The following NFAT5 variants were observed in gnomAD, a reference collection of about 807,000 sequenced individuals.
NFAT5 encodes nuclear factor of activated T cells 5, also known as nuclear factor of activated T-cells 5.
Under a neutral mutation model 166.5 loss-of-function variants are expected in NFAT5, and 31 were observed. That is an observed-to-expected ratio of 0.19 (90% CI 0.14 to 0.25). NFAT5 has a LOEUF of 0.25. NFAT5 is among the 10% of genes least tolerant of loss of function. The probability of loss-of-function intolerance (pLI) is 1.00; values close to 1 mark genes in which losing one functional copy is unlikely to be tolerated. For synonymous variants in NFAT5, 612 were observed against 639.7 expected (o/e 0.96, Z 0.65); for missense variants, 1,449 against 1,821.8 (o/e 0.80, Z 3.72).
intron 10 of NFAT5, among the ~76,000 whole-genome samples, chr16:69,683,775 G>A (rs965765645): frequency 5.9e-5 from 9 of 152,032 alleles, no homozygotes; most frequent in Non-Finnish European, 8.8e-5. Context: ...TGGCCAGCAC[G>A]GTGAAACCCC....
chr16:69,688,225 A>AAAAAAAAAAAAAAAAAC (rs1567609428), intron 11 of NFAT5, among the ~76,000 whole-genome samples: 2 of 144,706 alleles, frequency 1.4e-5, no homozygotes, highest in African/African-American at 5.4e-5. Flanking sequence ...AAAAAAAAAA[A>AAAAAAAAAAAAAAAAAC]ACCAGGAGTT....
intron 10 of NFAT5, among the ~76,000 whole-genome samples, chr16:69,681,347 T>C (rs150056522): frequency 1.3e-5 from 2 of 152,316 alleles, no homozygotes; most frequent in African/African-American, 4.8e-5. Flanking sequence ...AAGTTATAAA[T>C]AAAACTAACA....
At chr16:69,571,780 A>T (rs1253473277) in intron 2 of NFAT5, among the ~76,000 whole-genome samples, 1 of 151,028 alleles carries the variant, frequency 6.6e-6, no homozygotes, top group Non-Finnish European at 1.5e-5. Flanking sequence ...TTTTTTTGAG[A>T]TGGAGTCTTT....
intron 2 of NFAT5, among the ~76,000 whole-genome samples, chr16:69,611,973 G>C (rs1192119715): frequency 6.6e-6 from 1 of 152,236 alleles, no homozygotes; most frequent in African/African-American, 2.4e-5. Flanking sequence ...TTGAGTGAAT[G>C]AGTACATGAA....
chr16:69,681,636 G>C (rs962384114), intron 10 of NFAT5, among the ~76,000 whole-genome samples: 2 of 152,084 alleles, frequency 1.3e-5, no homozygotes, highest in Non-Finnish European at 2.9e-5. Flanking sequence ...TCTAGGGATT[G>C]GCCGGGCACG....
chr16:69,585,288 T>C (rs2142944426), intron 2 of NFAT5, among the ~76,000 whole-genome samples: 1 of 152,050 alleles, frequency 6.6e-6, no homozygotes, highest in Middle Eastern at 3.4e-3. Flanking sequence ...GGATTACTGG[T>C]GTGAGCCACG....
chr16:69,666,482 C>A (rs1460913076), intron 7 of NFAT5, among the ~76,000 whole-genome samples: 1 of 151,930 alleles, frequency 6.6e-6, no homozygotes, highest in Non-Finnish European at 1.5e-5. Flanking sequence ...AAGAAAAAAA[C>A]AAACAACCCC....
chr16:69,589,156 G>A (rs1398863474), intron 2 of NFAT5, among the ~76,000 whole-genome samples: 2 of 151,312 alleles, frequency 1.3e-5, no homozygotes, highest in African/African-American at 4.9e-5. Context: ...CACCACGCCC[G>A]GCTAATTTTG....
intron 2 of NFAT5, among the ~76,000 whole-genome samples, chr16:69,594,643 CTA>C (rs1205648400): frequency 6.6e-6 from 1 of 152,098 alleles, no homozygotes; most frequent in African/African-American, 2.4e-5. Flanking sequence ...CATGACTGTA[CTA>C]TGTTTTTTCC....
intron 2 of NFAT5, among the ~76,000 whole-genome samples, 181 bp downstream of exon 2, chr16:69,568,729 G>T (rs1240929812): frequency 6.6e-6 from 1 of 152,020 alleles, no homozygotes; most frequent in Non-Finnish European, 1.5e-5. Context: ...TGCGTTTGAT[G>T]TGCTTGTTGG....
chr16:69,698,059 C>A lies in NFAT5; in HGVS notation c.*1708C>A, dbSNP rs2037819200. 1 of 145,580 alleles carries A rather than the reference C, an allele frequency of 6.9e-6. No homozygotes were observed. The highest frequency in any genetic ancestry group is 1.5e-5 in the Non-Finnish European group (1 of 66,420). The allele number at this position is 145,580 out of a possible 1,614,324, so 9.0% of individuals were successfully genotyped here. On this transcript the variant is annotated 3_prime_UTR_variant, in exon 15 of 15. Coordinates refer to ENST00000349945, the MANE Select transcript of NFAT5 (RefSeq NM_138713.4). ...TGTTTTGTGATGATCTTCCTTTGTTCTTTGAATGTGCTCTTTTGTCTTTTT... is the reference window on the plus strand; with the variant it reads ...TGTTTTGTGATGATCTTCCTTTGTTATTTGAATGTGCTCTTTTGTCTTTTT...
chr16:69,664,961 A>T (rs1567589116), intron 7 of NFAT5, among the ~76,000 whole-genome samples: 1 of 152,186 alleles, frequency 6.6e-6, no homozygotes, highest in Non-Finnish European at 1.5e-5. Context: ...TGGGAGGTGG[A>T]GGTTGCGGTT....
At position 69,566,439 on chromosome 16, in the gene NFAT5, A is replaced by G; in HGVS notation, c.73+65A>G. The G allele has an allele frequency of 7.6e-7, 1 of 1,322,084 alleles. No individual in the cohort carries two copies. Among genetic ancestry groups the G allele is most frequent in the Non-Finnish European group, 1.1e-6 (1 of 946,424 alleles). The allele number at this position is 1,322,084 out of a possible 1,614,324, so 81.9% of individuals were successfully genotyped here. On this transcript the variant is annotated intron_variant, in intron 1 of 14. Transcript: ENST00000349945. This position sits in a 1 kb window ranked among gnomAD's most constrained non-coding sequence, Gnocchi z 5.7. ...GACAGGGAGACAGGGAGACAGGGCC[A>G]GGGGAGGCGAGGGGTCCCCGTCCCG...
At chr16:69,605,970 C>T (rs1276247627) in intron 2 of NFAT5, among the ~76,000 whole-genome samples, 2 of 152,212 alleles carry the variant, frequency 1.3e-5, no homozygotes, top group African/African-American at 4.8e-5. Context: ...GCCTCGGCCT[C>T]CCAAAGTGCT....
chr16:69,577,280 T>C (rs1276856375), intron 2 of NFAT5, among the ~76,000 whole-genome samples: 2 of 152,192 alleles, frequency 1.3e-5, no homozygotes, highest in African/African-American at 2.4e-5. Flanking sequence ...CCTCCCCCTG[T>C]GGTTTAGTCT....
rs1190500199 is a variant in NFAT5 at position 69,566,274 on chromosome 16, C to T, written c.-28C>T. Reference sequence around the variant, plus strand: ...CACCGCCGCTCCCCCCCTCCCGCTGCCCTCGGGCCGGGCTGGGTCGAGCTG... The same window carrying T: ...CACCGCCGCTCCCCCCCTCCCGCTGTCCTCGGGCCGGGCTGGGTCGAGCTG... On this transcript the variant is annotated 5_prime_UTR_variant, in exon 1 of 15. Coordinates refer to ENST00000349945, the MANE Select transcript of NFAT5 (RefSeq NM_138713.4). This position sits in a 1 kb window ranked among gnomAD's most constrained non-coding sequence, Gnocchi z 5.7. 6.3e-7 allele frequency: 1 copy of T among 1,589,010 alleles called. No homozygotes were observed. The highest frequency in any genetic ancestry group is 1.8e-5 in the Admixed American group (1 of 56,038).
At chr16:69,665,023 G>A (rs566183423) in intron 7 of NFAT5, among the ~76,000 whole-genome samples, 20 of 152,194 alleles carry the variant, frequency 1.3e-4, no homozygotes, top group South Asian at 1.0e-3. Context: ...ACAAAACTCC[G>A]TCTCAAATAA....
At position 69,692,805 on chromosome 16, in the gene NFAT5, A is replaced by T. The variant is rs2037601185; in HGVS notation, c.2980A>T (p.Thr994Ser). ...TSTTTTQQVA[T>S]PGTTMFQTSS... ...TACAACTACCACACAGCAGGTTGCA[A>T]CCCCTGGCACTACCATGTTTCAGAC... The change falls in exon 13 of 15, where the codon ACC becomes TCC. Residue 994 changes from threonine to serine, a missense_variant. By Grantham distance (58) the Thr-to-Ser change is moderately conservative (BLOSUM62 1). Transcript: ENST00000349945. 6.2e-7 allele frequency: 1 copy of T among 1,614,064 alleles called. No homozygotes were observed. The highest frequency in any genetic ancestry group is 1.1e-5 in the South Asian group (1 of 91,088).
chr16:69,694,238 T>G lies in NFAT5; in HGVS notation c.4413T>G (p.Asn1471Lys). The G allele has an allele frequency of 6.3e-7, 1 of 1,599,954 alleles. No homozygotes were observed. The highest frequency in any genetic ancestry group is 8.5e-7 in the Non-Finnish European group (1 of 1,173,962). The change falls in exon 13 of 15, where the codon AAT (asparagine) becomes AAG (lysine). Residue 1471 changes from asparagine (N) to lysine (K), a missense_variant and splice_region_variant. Transcript: ENST00000349945. Reference sequence around the variant, plus strand: ...GAATGTTCTTATTTGGCATTCAAAATAGTAAGAAACTCTAATTTTTCATTA... The same window carrying G: ...GAATGTTCTTATTTGGCATTCAAAAGAGTAAGAAACTCTAATTTTTCATTA... ...TSGMFLFGIQNNCSQLLTSGP... is the reference protein window; with the variant it reads ...TSGMFLFGIQKNCSQLLTSGP...
Sources: allele counts gnomAD v4.1 joint callset (sites outside exome capture counted in the v4.1 genomes callset), GRCh38; gene constraint gnomAD v4.1.1; non-coding constraint Gnocchi (gnomAD v3.1); transcripts MANE v1.5; gene names NCBI Gene and HGNC (gene_info 2026-07-23, HGNC 2026-07-21).